The following CTNND2 variants were observed in gnomAD, a reference collection of about 807,000 sequenced individuals.
The protein encoded by CTNND2 is catenin delta 2, also known as catenin delta-2.
In CTNND2, 22 loss-of-function variants were observed where a neutral mutation model predicts 144.4. The observed-to-expected ratio is 0.15, with a 90% CI of 0.11 to 0.22. CTNND2 has a LOEUF of 0.22. CTNND2 is among the 10% of genes least tolerant of loss of function. The pLI is 1.00. For synonymous variants in CTNND2, 751 were observed against 695.6 expected, an observed-to-expected ratio of 1.08 and a Z score of -1.25; for missense variants, 1,353 against 1,618.8, an observed-to-expected ratio of 0.84 and a Z score of 2.82.
intron 12 of CTNND2, among the ~76,000 whole-genome samples, chr5:11,146,711 A>G (rs1408200439): frequency 6.6e-6 from 1 of 152,210 alleles, no homozygotes; most frequent in East Asian, 1.9e-4. Context: ...CAAGGGCAAC[A>G]TGAGCACATC....
intron 9 of CTNND2, among the ~76,000 whole-genome samples, chr5:11,299,321 T>A (rs1179627584): frequency 6.6e-6 from 1 of 152,190 alleles, no homozygotes; most frequent in Non-Finnish European, 1.5e-5. Context: ...CTTTGGTATA[T>A]ACTCTCTCAA....
chr5:11,541,761 C>T (rs1367829426), intron 3 of CTNND2, among the ~76,000 whole-genome samples: 1 of 151,816 alleles, frequency 6.6e-6, no homozygotes, highest in African/African-American at 2.4e-5. Flanking sequence ...ATATCAGACC[C>T]CCGCAGTCTG....
chr5:11,457,458 C>T (rs1375998442), intron 3 of CTNND2, among the ~76,000 whole-genome samples: 1 of 152,192 alleles, frequency 6.6e-6, no homozygotes, highest in Admixed American at 6.5e-5. Flanking sequence ...CCAATGACAT[C>T]CTCTGTAATA....
intron 16 of CTNND2, among the ~76,000 whole-genome samples, chr5:11,043,413 A>AAC (rs1347489283): frequency 6.6e-6 from 1 of 152,166 alleles, no homozygotes; most frequent in African/African-American, 2.4e-5. Flanking sequence ...GTATGCATAA[A>AAC]ACATACAGGA....
intron 3 of CTNND2, among the ~76,000 whole-genome samples, chr5:11,425,949 C>G (rs1450683514): frequency 1.3e-5 from 2 of 152,166 alleles, no homozygotes; most frequent in Non-Finnish European, 2.9e-5. Context: ...GTTCCTCCAC[C>G]TCCATCAGCC....
chr5:11,608,148 G>C (rs969556657), intron 2 of CTNND2, among the ~76,000 whole-genome samples: 1 of 152,142 alleles, frequency 6.6e-6, no homozygotes, highest in African/African-American at 2.4e-5. Flanking sequence ...AAGCTATGAA[G>C]AGTCCTGTTA....
At chr5:11,309,199 T>C (rs1303175923) in intron 9 of CTNND2, among the ~76,000 whole-genome samples, 1 of 152,192 alleles carries the variant, frequency 6.6e-6, no homozygotes, top group African/African-American at 2.4e-5. Flanking sequence ...AGAGGGCCAC[T>C]GTCCTCCAGA....
At chr5:11,536,872 T>G (rs1275935455) in intron 3 of CTNND2, among the ~76,000 whole-genome samples, 1 of 152,068 alleles carries the variant, frequency 6.6e-6, no homozygotes, top group Non-Finnish European at 1.5e-5. Context: ...AGAAACCTAT[T>G]GAAATAAAAA....
intron 10 of CTNND2, among the ~76,000 whole-genome samples, chr5:11,235,924 T>A (rs1026729979): frequency 8.5e-5 from 13 of 152,184 alleles, no homozygotes; most frequent in African/African-American, 2.9e-4. Context: ...CAGAATTGCT[T>A]ACACGCCATA....
At chr5:11,677,693 T>C (rs1214731791) in intron 2 of CTNND2, among the ~76,000 whole-genome samples, 2 of 152,184 alleles carry the variant, frequency 1.3e-5, no homozygotes, top group Non-Finnish European at 2.9e-5. Context: ...GCCCATGTAT[T>C]CGAGTTTTGC....
intron 3 of CTNND2, among the ~76,000 whole-genome samples, chr5:11,427,088 A>G (rs1762841898): frequency 6.6e-6 from 1 of 152,202 alleles, no homozygotes; most frequent in Admixed American, 6.5e-5. Context: ...TGAATCTGCA[A>G]TAGCACAATA....
At chr5:11,541,844 C>CG (rs1561534028) in intron 3 of CTNND2, among the ~76,000 whole-genome samples, 2 of 143,222 alleles carry the variant, frequency 1.4e-5, no homozygotes, top group Admixed American at 6.8e-5. Flanking sequence ...ATCGACCCCC[C>CG]CCCCCCGGCC....
intron 14 of CTNND2, among the ~76,000 whole-genome samples, chr5:11,099,788 C>T (rs768293616): frequency 6.6e-6 from 1 of 151,964 alleles, no homozygotes; most frequent in Non-Finnish European, 1.5e-5. Context: ...ATGAAAGATG[C>T]TATGCTTTTA....
At chr5:11,866,797 T>C (rs1646877011) in intron 1 of CTNND2, among the ~76,000 whole-genome samples, 1 of 152,224 alleles carries the variant, frequency 6.6e-6, no homozygotes, top group Non-Finnish European at 1.5e-5. Context: ...CACATGCCAT[T>C]AGGCTTCTCT....
chr5:11,793,016 C>CTTTA (rs1419424974), intron 1 of CTNND2, among the ~76,000 whole-genome samples: 3 of 152,190 alleles, frequency 2.0e-5, no homozygotes, highest in Non-Finnish European at 4.4e-5. Context: ...ATTAGAAATG[C>CTTTA]TTTAGATGGC....
At chr5:11,529,828 T>C (rs1412053605) in intron 3 of CTNND2, among the ~76,000 whole-genome samples, 1 of 152,130 alleles carries the variant, frequency 6.6e-6, no homozygotes, top group East Asian at 1.9e-4. Context: ...CCTTGGTTTA[T>C]TGTCTTTAAA....
intron 9 of CTNND2, among the ~76,000 whole-genome samples, chr5:11,329,221 T>A (rs1304549215): frequency 1.3e-5 from 2 of 152,180 alleles, no homozygotes; most frequent in African/African-American, 4.8e-5. Context: ...AGTGGTGCAA[T>A]CTTGGCTCAC....
chr5:11,329,785 A>C (rs111767454), intron 9 of CTNND2, among the ~76,000 whole-genome samples: 5,560 of 152,256 alleles, frequency 0.037, 342 homozygotes, highest in African/African-American at 0.13. Flanking sequence ...CAAATGCCCG[A>C]TTCTCAGCGC....
At chr5:11,863,841 C>T (rs1002936589) in intron 1 of CTNND2, among the ~76,000 whole-genome samples, 7 of 152,150 alleles carry the variant, frequency 4.6e-5, no homozygotes, top group African/African-American at 1.7e-4. Context: ...TGGTTTTACA[C>T]CTCCAAATTC....
Sources: allele counts gnomAD v4.1 joint callset (sites outside exome capture counted in the v4.1 genomes callset), GRCh38; gene constraint gnomAD v4.1.1; transcripts MANE v1.5; gene names NCBI Gene and HGNC (gene_info 2026-07-23, HGNC 2026-07-21).